The following HEXA variants were observed in gnomAD, a reference collection of about 807,000 sequenced individuals.
HEXA encodes the protein beta-hexosaminidase subunit alpha.
A neutral mutation model predicts 73.3 loss-of-function variants in HEXA; 54 were observed. The observed-to-expected ratio is 0.74, with a 90% CI of 0.59 to 0.92. HEXA has a LOEUF of 0.92. Ranked by LOEUF, HEXA falls within the 40% of genes least tolerant of loss-of-function variation. The pLI is 0.00. For synonymous variants in HEXA, 230 were observed against 246.9 expected (o/e 0.93, Z 0.64); for missense variants, 649 against 653.0 (o/e 0.99, Z 0.07).
intron 1 of HEXA, chr15:72,362,349 A>G: frequency 2.4e-6 from 1 of 423,758 alleles, no homozygotes; most frequent in Admixed American, 2.7e-5. Context: ...TTCTTAAGAT[A>G]TGCTGTTTAT....
At chr15:72,360,983 T>G (rs575745105) in intron 1 of HEXA, among the ~76,000 whole-genome samples, 4 of 152,342 alleles carry the variant, frequency 2.6e-5, no homozygotes, top group Non-Finnish European at 5.9e-5. Flanking sequence ...TATCTATTCC[T>G]CAATCCACTA....
In HEXA at chr15:72,375,918, G is replaced by A. The variant is rs1166889033; in HGVS notation, c.55C>T (p.Arg19Trp). Residue 19 changes from arginine (R) to tryptophan (W), a missense_variant, in exon 1 of 14, where the codon CGG becomes TGG. Physicochemically the swap from Arg to Trp is moderately radical, Grantham distance 101 (BLOSUM62 -3). Coordinates refer to ENST00000268097, the MANE Select transcript of HEXA (RefSeq NM_000520.6). ...SLLLAAAFAG[R>W]ATALWPWPQN... ...GGCCAGGGCCAGAGGGCCGTCGCCC[G>A]TCCTGCGAACGCTGCCGCCAGCAGC... is the stretch of plus-strand genomic sequence containing the variant. 3 of 1,614,038 alleles carry A rather than the reference G, an allele frequency of 1.9e-6. No individual in the cohort carries two copies. The highest frequency in any genetic ancestry group is 2.5e-6 in the Non-Finnish European group (3 of 1,180,048).
In HEXA at chr15:72,375,917, C is replaced by A; in HGVS notation, c.56G>T (p.Arg19Leu). Residue 19 changes from arginine to leucine, a missense_variant, in exon 1 of 14, where the codon CGG (arginine) becomes CTG (leucine). Arg to Leu is a moderately radical substitution (Grantham distance 102). Transcript: ENST00000268097. ...SLLLAAAFAG[R>L]ATALWPWPQN... is the part of the protein sequence containing the mutation. ...AGGCCAGGGCCAGAGGGCCGTCGCCCGTCCTGCGAACGCTGCCGCCAGCAG... is the reference window on the plus strand; with the variant it reads ...AGGCCAGGGCCAGAGGGCCGTCGCCAGTCCTGCGAACGCTGCCGCCAGCAG... 1 of 1,614,140 alleles carries A rather than the reference C, an allele frequency of 6.2e-7. No individual in the cohort carries two copies. Among genetic ancestry groups the A allele is most frequent in the African/African-American group, 1.3e-5 (1 of 75,062 alleles).
Position 72,353,133 on chromosome 15 carries a change from G to C in HEXA, c.505C>G (p.His169Asp). The change falls in exon 5 of 14, where the codon CAC becomes GAC. Residue 169 changes from histidine to aspartate, a missense_variant. Transcript: ENST00000268097. Reference sequence around the variant, plus strand: ...GATGTATCCAACAGCAAGCCCCGGTGAGGAAAGCGGGGAAAGTCCTCAATC... The same window carrying C: ...GATGTATCCAACAGCAAGCCCCGGTCAGGAAAGCGGGGAAAGTCCTCAATC... ...TEIEDFPRFP[H>D]RGLLLDTSRH... The C allele has an allele frequency of 6.2e-7, 1 of 1,613,582 alleles. No homozygotes were observed. Among genetic ancestry groups the C allele is most frequent in the Non-Finnish European group, 8.5e-7 (1 of 1,179,500 alleles).
intron 8 of HEXA, 137 bp from the exon 9 acceptor site, chr15:72,348,271 A>G (rs1464538900): frequency 2.8e-6 from 2 of 711,576 alleles, no homozygotes; most frequent in Non-Finnish European, 5.0e-6. Flanking sequence ...GAAGCCCTAC[A>G]TGTGGAAAGT....
chr15:72,349,978 G>A (rs1255210624), intron 7 of HEXA, among the ~76,000 whole-genome samples: 1 of 152,110 alleles, frequency 6.6e-6, no homozygotes, highest in Non-Finnish European at 1.5e-5. Context: ...TGGCCAGGCT[G>A]GTCTTGAACT....
chr15:72,356,429 C>A (rs774335060), intron 2 of HEXA, 96 bp downstream of exon 2: 12 of 1,366,164 alleles, frequency 8.8e-6, no homozygotes, highest in Non-Finnish European at 1.2e-5. Context: ...AAGGGGGACT[C>A]CAGGCCGAGC....
chr15:72,375,406 G>C (rs2089049365), intron 1 of HEXA, among the ~76,000 whole-genome samples: 1 of 152,144 alleles, frequency 6.6e-6, no homozygotes, highest in African/African-American at 2.4e-5. Context: ...CCCCAATTTT[G>C]AGTGTTTTCT....
chr15:72,349,587 G>A (rs1254813721), intron 7 of HEXA, among the ~76,000 whole-genome samples: 1 of 152,250 alleles, frequency 6.6e-6, no homozygotes, highest in Non-Finnish European at 1.5e-5. Context: ...CCTTGAGGCA[G>A]AGAGAGAGCC....
Position 72,346,571 on chromosome 15 carries a change from G to A in HEXA, c.1286C>T (p.Pro429Leu). 1 of 1,614,082 alleles carries A rather than the reference G, an allele frequency of 6.2e-7. No homozygotes were observed. Among genetic ancestry groups the A allele is most frequent in the Non-Finnish European group, 8.5e-7 (1 of 1,180,000 alleles). The stretch of plus-strand genomic sequence containing the variant: ...CACTATGTAGAAATCCTTCCAGTCA[G>A]GGCCATAGGATATACGGTTCAGGTA... The part of the protein sequence containing the change: ...PWYLNRISYG[P>L]DWKDFYIVEP... Residue 429 changes from proline (P) to leucine (L), a missense_variant, in exon 11 of 14, where the codon CCT becomes CTT. Physicochemically the swap from Pro to Leu is moderately conservative, Grantham distance 98. Coordinates refer to ENST00000268097, the MANE Select transcript of HEXA (RefSeq NM_000520.6).
At chr15:72,361,008 T>C in intron 1 of HEXA, among the ~76,000 whole-genome samples, 1 of 152,212 alleles carries the variant, frequency 6.6e-6, no homozygotes. Context: ...CTGGCTTCCT[T>C]CACCACCACT....
chr15:72,375,088 G>C (rs976094178), intron 1 of HEXA, among the ~76,000 whole-genome samples: 1 of 142,160 alleles, frequency 7.0e-6, no homozygotes, highest in South Asian at 2.2e-4. Flanking sequence ...TTTTGTTTGG[G>C]GGGGGGGGTT....
intron 1 of HEXA, among the ~76,000 whole-genome samples, chr15:72,363,165 T>G (rs2088873010): frequency 6.6e-6 from 1 of 152,172 alleles, no homozygotes; most frequent in Admixed American, 6.5e-5. Context: ...CATTTCCCAC[T>G]CATTTCTTCA....
chr15:72,359,437 A>G (rs114486244), intron 1 of HEXA: 67 of 152,102 alleles, frequency 4.4e-4, no homozygotes, highest in African/African-American at 1.5e-3. Flanking sequence ...GCTCAGGTCC[A>G]TGATCTCAGC....
rs112960601 is a variant in HEXA at position 72,352,725 on chromosome 15, G to A, written c.570+343C>T. 7.0e-4 allele frequency among the ~76,000 whole-genome samples: 106 copies of A among 150,678 alleles called. 2 individuals carry two copies. The highest frequency in any genetic ancestry group is 3.4e-3 in the Middle Eastern group (1 of 294). On this transcript the variant is annotated intron_variant, in intron 5 of 13. Coordinates refer to ENST00000268097, the MANE Select transcript of HEXA (RefSeq NM_000520.6). ...TTCACCCAGGCTGGAGTGCAGTGGC[G>A]TGATCTCCACCCACTGCAACCTCTG...
chr15:72,366,201 C>A (rs1397242253), intron 1 of HEXA, among the ~76,000 whole-genome samples: 1 of 152,186 alleles, frequency 6.6e-6, no homozygotes, highest in Non-Finnish European at 1.5e-5. Context: ...TCCACCACCA[C>A]CAAGTAATAA....
chr15:72,348,653 A>G (rs1455160126), intron 8 of HEXA, among the ~76,000 whole-genome samples: 1 of 152,148 alleles, frequency 6.6e-6, no homozygotes, highest in Non-Finnish European at 1.5e-5. Flanking sequence ...GAAGCCCCTC[A>G]GCCTCTTTTG....
In HEXA at chr15:72,347,738, GAA is replaced by G; in HGVS notation, c.1092_1093del (p.Ser365LeufsTer13). The G allele has an allele frequency of 6.2e-7, 1 of 1,614,182 alleles. No individual in the cohort carries two copies. The highest frequency in any genetic ancestry group is 8.5e-7 in the Non-Finnish European group (1 of 1,179,994). On this transcript the variant is annotated frameshift_variant, in exon 10 of 14. Coordinates refer to ENST00000268097, the MANE Select transcript of HEXA (RefSeq NM_000520.6). LOFTEE classifies it high-confidence loss of function. ...CCACACCACATAGCCCTTGCCATAA[GAA>G]GAGACGATGTCCAGCAGCCTGGAGA...
Position 72,344,058 on chromosome 15 carries a change from C to A in HEXA, c.*19G>T, listed in dbSNP as rs751574516. 6.2e-7 allele frequency: 1 copy of A among 1,610,352 alleles called. No individual in the cohort carries two copies. Among genetic ancestry groups the A allele is most frequent in the South Asian group, 1.1e-5 (1 of 90,988 alleles). On this transcript the variant is annotated 3_prime_UTR_variant, in exon 14 of 14. Transcript: ENST00000268097. ...ACTACCATTCACCTACAGCCAGCACCCTCCTCGGTGCCTGGGGCTCAGGTC... is the reference window on the plus strand; with the variant it reads ...ACTACCATTCACCTACAGCCAGCACACTCCTCGGTGCCTGGGGCTCAGGTC...
Sources: gnomAD v4.1 joint callset for allele counts (sites outside exome capture counted in the v4.1 genomes callset) on GRCh38, gnomAD v4.1.1 for gene constraint, MANE v1.5 for transcripts, NCBI Gene and HGNC (gene_info 2026-07-23, HGNC 2026-07-21) for gene names.